The following CTNND2 variants were observed in gnomAD, a reference collection of about 807,000 sequenced individuals.
CTNND2 encodes catenin delta-2.
A neutral mutation model predicts 144.4 loss-of-function variants in CTNND2; 22 were observed. The observed-to-expected ratio is 0.15, with a 90% CI of 0.11 to 0.22. CTNND2 has a LOEUF of 0.22. Among genes scored for constraint, CTNND2 ranks in the 10% least tolerant of loss-of-function variants. The pLI, the probability that CTNND2 is intolerant of heterozygous loss-of-function variation, is 1.00. For synonymous variants in CTNND2, 751 were observed against 695.6 expected, an observed-to-expected ratio of 1.08 and a Z score of -1.25; for missense variants, 1,353 against 1,618.8, an observed-to-expected ratio of 0.84 and a Z score of 2.82.
intron 4 of CTNND2, 29 bp downstream of exon 4, chr5:11,412,006 T>C: frequency 6.3e-7 from 1 of 1,577,136 alleles, no homozygotes. Context: ...TTTAGAAGTG[T>C]AAGTGTTCAT....
rs1251626031 is a variant in CTNND2 at position 11,904,404 on chromosome 5, G to A, written c.-551C>T. On this transcript the variant is annotated 5_prime_UTR_variant, in exon 1 of 22. Transcript: ENST00000304623. The surrounding 1 kb of genome is among the most constrained non-coding windows in gnomAD (Gnocchi z 4.2). ...GGCGGCCGGCCCGGGCGCCCGGCTA[G>A]TGAGGGAGCGTCCGCCCCGCCGCCG... 6.6e-6 allele frequency among the ~76,000 whole-genome samples: 1 copy of A among 151,682 alleles called. No individual in the cohort carries two copies. Among genetic ancestry groups the A allele is most frequent in the Non-Finnish European group, 1.5e-5 (1 of 67,894 alleles).
At chr5:11,632,009 G>C (rs890953531) in intron 2 of CTNND2, among the ~76,000 whole-genome samples, 1 of 152,194 alleles carries the variant, frequency 6.6e-6, no homozygotes, top group Admixed American at 6.6e-5. Flanking sequence ...ATTTAAAATA[G>C]AGCGTACAGA....
At chr5:11,451,622 A>C (rs1382015898) in intron 3 of CTNND2, among the ~76,000 whole-genome samples, 1 of 152,216 alleles carries the variant, frequency 6.6e-6, no homozygotes, top group African/African-American at 2.4e-5. Context: ...TCTGGTACCA[A>C]GCATTTCGGA....
chr5:11,644,304 T>C (rs1160103731), intron 2 of CTNND2, among the ~76,000 whole-genome samples: 1 of 152,232 alleles, frequency 6.6e-6, no homozygotes, highest in Non-Finnish European at 1.5e-5. Context: ...TAGCTTATTT[T>C]CTTGCTTTAA....
At chr5:11,892,942 TA>T (rs1336988663) in intron 1 of CTNND2, among the ~76,000 whole-genome samples, 4 of 152,212 alleles carry the variant, frequency 2.6e-5, no homozygotes. Flanking sequence ...TAACATGCTA[TA>T]AAATTCTACG....
At chr5:11,460,841 A>T (rs1338447876) in intron 3 of CTNND2, among the ~76,000 whole-genome samples, 1 of 152,046 alleles carries the variant, frequency 6.6e-6, no homozygotes, top group African/African-American at 2.4e-5. Flanking sequence ...CATGAGGTCA[A>T]GAAATCAAGA....
chr5:11,586,147 G>A (rs979341651), intron 2 of CTNND2, among the ~76,000 whole-genome samples: 1 of 152,136 alleles, frequency 6.6e-6, no homozygotes, highest in African/African-American at 2.4e-5. Context: ...TTTATTAAAG[G>A]TTATTTTGTG....
At chr5:11,090,405 G>T (rs1750646325) in intron 15 of CTNND2, among the ~76,000 whole-genome samples, 2 of 152,236 alleles carry the variant, frequency 1.3e-5, no homozygotes, top group African/African-American at 4.8e-5. Flanking sequence ...CAACCCCCGG[G>T]CCGCAGACCA....
At chr5:11,688,467 C>T (rs147864097) in intron 2 of CTNND2, among the ~76,000 whole-genome samples, 21 of 152,272 alleles carry the variant, frequency 1.4e-4, no homozygotes, top group African/African-American at 4.6e-4. Flanking sequence ...ATATGCCTTC[C>T]GCTGACATCA....
intron 9 of CTNND2, among the ~76,000 whole-genome samples, chr5:11,317,132 C>T (rs1036392993): frequency 6.6e-6 from 1 of 152,158 alleles, no homozygotes; most frequent in African/African-American, 2.4e-5. Context: ...CCATCTCACA[C>T]CAGTTAGAAT....
chr5:10,978,498 GGA>G (rs1383667988), intron 21 of CTNND2, among the ~76,000 whole-genome samples: 19 of 134,184 alleles, frequency 1.4e-4, no homozygotes, highest in Non-Finnish European at 2.6e-4. Context: ...TACTTTTTGG[GGA>G]GGGGGGGGAA....
At chr5:11,141,280 ATATAAGACCGTCATTTTTTTTTTTAATT>A (rs1325771551) in intron 12 of CTNND2, among the ~76,000 whole-genome samples, 1 of 152,112 alleles carries the variant, frequency 6.6e-6, no homozygotes, top group African/African-American at 2.4e-5. Flanking sequence ...AAACAAATGC[ATATAAGACCGTCATTTTTTTTTTTAATT>A]TTGTAAATTG....
intron 11 of CTNND2, among the ~76,000 whole-genome samples, chr5:11,169,658 C>T (rs965576634): frequency 2.6e-5 from 4 of 152,164 alleles, no homozygotes; most frequent in African/African-American, 9.7e-5. Context: ...ATAGAGACGG[C>T]TATTGCCTTG....
chr5:11,630,157 T>A (rs892495891), intron 2 of CTNND2, among the ~76,000 whole-genome samples: 5 of 152,188 alleles, frequency 3.3e-5, no homozygotes, highest in Admixed American at 1.3e-4. Context: ...CAGAGAGACA[T>A]AACTCATTAC....
chr5:11,103,613 T>C (rs1013185947), intron 14 of CTNND2, among the ~76,000 whole-genome samples: 14 of 151,726 alleles, frequency 9.2e-5, no homozygotes, highest in African/African-American at 3.4e-4. Context: ...GAGTTTGCAG[T>C]GGGCCAAGAT....
At chr5:11,215,744 G>A (rs1038479585) in intron 10 of CTNND2, among the ~76,000 whole-genome samples, 2 of 152,128 alleles carry the variant, frequency 1.3e-5, no homozygotes, top group African/African-American at 4.8e-5. Context: ...TCATCACAGA[G>A]AAATTAAACA....
intron 2 of CTNND2, among the ~76,000 whole-genome samples, chr5:11,647,121 T>C (rs532833404): frequency 6.6e-6 from 1 of 152,314 alleles, no homozygotes; most frequent in South Asian, 2.1e-4. Context: ...TTTCTGCTCA[T>C]TGAGCAAACT....
At chr5:11,850,729 A>C (rs1794971670) in intron 1 of CTNND2, among the ~76,000 whole-genome samples, 1 of 152,238 alleles carries the variant, frequency 6.6e-6, no homozygotes, top group Non-Finnish European at 1.5e-5. Flanking sequence ...AATGAAAAAC[A>C]AAAGTTTCTA....
chr5:11,194,399 A>T (rs1199573217), intron 11 of CTNND2, among the ~76,000 whole-genome samples: 1 of 152,146 alleles, frequency 6.6e-6, no homozygotes, highest in Non-Finnish European at 1.5e-5. Flanking sequence ...CAACAAACAA[A>T]ATAAACAACT....
Sources: gnomAD v4.1 joint callset for allele counts (sites outside exome capture counted in the v4.1 genomes callset) on GRCh38, gnomAD v4.1.1 for gene constraint, Gnocchi (gnomAD v3.1) non-coding constraint, MANE v1.5 for transcripts, NCBI Gene and HGNC (gene_info 2026-07-23, HGNC 2026-07-21) for gene names.